RAB3C: variants seen among roughly 807,000 people sequenced by gnomAD.
The protein encoded by RAB3C is RAB3C, member RAS oncogene family.
Under a neutral mutation model 26.4 loss-of-function variants are expected in RAB3C, and 17 were observed. That is an observed-to-expected ratio of 0.64 (90% CI 0.44 to 0.97). The LOEUF (loss-of-function observed/expected upper bound fraction) is 0.97, where lower values mean the gene tolerates loss of function less well. Among genes scored for constraint, RAB3C ranks in the 50% least tolerant of loss-of-function variants. The probability of loss-of-function intolerance (pLI) is 0.00; values close to 1 mark genes in which losing one functional copy is unlikely to be tolerated. For missense variants in RAB3C, 242 were observed against 281.9 expected (o/e 0.86, Z 1.01); for synonymous variants, 91 against 95.9 (o/e 0.95, Z 0.30).
At chr5:58,822,833 C>T (rs1223170974) in intron 3 of RAB3C, 1 of 629,912 alleles carries the variant, frequency 1.6e-6, no homozygotes, top group African/African-American at 1.8e-5. Context: ...GGCCCACGGG[C>T]TTCTCGGTAG....
At chr5:58,734,000 A>G (rs1183682741) in intron 3 of RAB3C, among the ~76,000 whole-genome samples, 1 of 152,130 alleles carries the variant, frequency 6.6e-6, no homozygotes, top group Non-Finnish European at 1.5e-5. Context: ...TTTATGATAC[A>G]ATGAGGAACT....
intron 2 of RAB3C, among the ~76,000 whole-genome samples, chr5:58,722,819 C>T (rs1205826637): frequency 6.6e-6 from 1 of 151,752 alleles, no homozygotes; most frequent in Middle Eastern, 3.2e-3. Context: ...ATACACTTTA[C>T]GACATCTATG....
chr5:58,763,821 A>G (rs987486075), intron 3 of RAB3C, among the ~76,000 whole-genome samples: 18 of 152,226 alleles, frequency 1.2e-4, no homozygotes, highest in Non-Finnish European at 2.5e-4. Context: ...TATGGATATT[A>G]TAACACAGAG....
At chr5:58,829,102 A>G (rs998752806) in intron 4 of RAB3C, among the ~76,000 whole-genome samples, 2 of 151,478 alleles carry the variant, frequency 1.3e-5, no homozygotes, top group African/African-American at 4.9e-5. Context: ...ATGGGCTTTC[A>G]CCGTGTTAGC....
At chr5:58,850,281 A>G (rs1744087098) in intron 4 of RAB3C, among the ~76,000 whole-genome samples, 1 of 152,230 alleles carries the variant, frequency 6.6e-6, no homozygotes, top group South Asian at 2.1e-4. Context: ...AATCTCTGGC[A>G]GCTCATTTGA....
intron 2 of RAB3C, among the ~76,000 whole-genome samples, chr5:58,701,299 C>T (rs1748838058): frequency 6.6e-6 from 1 of 152,130 alleles, no homozygotes; most frequent in Non-Finnish European, 1.5e-5. Flanking sequence ...CTGCGCCCGG[C>T]CTAGTTCATT....
chr5:58,839,345 TTTATTTTATTTATTTA>T (rs1409814745), intron 4 of RAB3C, among the ~76,000 whole-genome samples: 32 of 47,632 alleles, frequency 6.7e-4, no homozygotes, highest in African/African-American at 1.3e-3. Context: ...ATGATAAGTT[TTTATTTTATTTATTTA>T]TTTATTTATT....
At chr5:58,661,408 A>G (rs1290880147) in intron 2 of RAB3C, among the ~76,000 whole-genome samples, 1 of 150,064 alleles carries the variant, frequency 6.7e-6, no homozygotes, top group Non-Finnish European at 1.5e-5. Context: ...AACCCAAAGG[A>G]ATTGTTAATT....
rs548483264 is a variant in RAB3C, at chr5:58,782,383, C to A, written c.372-42655C>A. On this transcript the variant is annotated intron_variant, in intron 3 of 4. Coordinates refer to ENST00000282878, the MANE Select transcript of RAB3C (RefSeq NM_138453.4). ...TTCCTCTAAGAGCCTTAAACCAAATCTTTTCTCTTAGGTTGTCCTCCAGAA... is the reference window on the plus strand; with the variant it reads ...TTCCTCTAAGAGCCTTAAACCAAATATTTTCTCTTAGGTTGTCCTCCAGAA... Among the ~76,000 whole-genome samples, 3 of 152,254 alleles carry A rather than the reference C, an allele frequency of 2.0e-5. No homozygotes were observed. The South Asian group carries it at 6.2e-4, about 32-fold the overall frequency.
rs1348791057 is a variant in RAB3C, at chr5:58,667,162, GA to G, written c.252+49293del. Among the ~76,000 whole-genome samples, 305 of 152,256 alleles carry G rather than the reference GA, an allele frequency of 2.0e-3. 1 individual carries two copies. The highest frequency in any genetic ancestry group is 6.9e-3 in the African/African-American group (285 of 41,554). On this transcript the variant is annotated intron_variant, in intron 2 of 4. Transcript: ENST00000282878. The stretch of plus-strand genomic sequence containing the variant: ...ATGAGAATTGGTTTTACGCACTGAT[GA>G]CACTAACAATGGGGGTAGGCCTTAC...
chr5:58,720,875 G>A (rs891659734), intron 2 of RAB3C, among the ~76,000 whole-genome samples: 9 of 151,654 alleles, frequency 5.9e-5, no homozygotes, highest in Non-Finnish European at 8.8e-5. Flanking sequence ...TGAATACAAG[G>A]AGAAGTAACC....
At chr5:58,766,113 G>A (rs1741897667) in intron 3 of RAB3C, among the ~76,000 whole-genome samples, 2 of 148,378 alleles carry the variant, frequency 1.3e-5, no homozygotes, top group East Asian at 2.0e-4. Flanking sequence ...CCAGTTTCAG[G>A]TAATTCTTTT....
chr5:58,858,620 T>A lies in RAB3C; in HGVS notation c.*7269T>A, dbSNP rs1744316233. The A allele has an allele frequency of 6.6e-6, 1 of 152,214 alleles. No homozygotes were observed. Among genetic ancestry groups the A allele is most frequent in the South Asian group, 2.1e-4 (1 of 4,812 alleles). The allele number at this position is 152,214 out of a possible 1,614,324, so 9.4% of individuals were successfully genotyped here. Reference sequence around the variant, plus strand: ...CATAATTCCGGAAAGAATTAGGTAGTGAGGAGATTGTGCCAGGAAAATAAG... The same window carrying A: ...CATAATTCCGGAAAGAATTAGGTAGAGAGGAGATTGTGCCAGGAAAATAAG... On this transcript the variant is annotated 3_prime_UTR_variant, in exon 5 of 5. Coordinates refer to ENST00000282878, the MANE Select transcript of RAB3C (RefSeq NM_138453.4).
intron 2 of RAB3C, among the ~76,000 whole-genome samples, chr5:58,690,456 T>A (rs1294624109): frequency 6.6e-6 from 1 of 152,186 alleles, no homozygotes; most frequent in Non-Finnish European, 1.5e-5. Flanking sequence ...ATGGCTTCTG[T>A]ACTCACATGT....
chr5:58,731,490 C>T (rs1314577713), intron 3 of RAB3C, among the ~76,000 whole-genome samples: 1 of 152,034 alleles, frequency 6.6e-6, no homozygotes, highest in Non-Finnish European at 1.5e-5. Context: ...AGCTGTCATT[C>T]CTTTGAAACA....
At chr5:58,769,873 A>G (rs1741995386) in intron 3 of RAB3C, among the ~76,000 whole-genome samples, 1 of 152,192 alleles carries the variant, frequency 6.6e-6, no homozygotes, top group Non-Finnish European at 1.5e-5. Context: ...GTGTTACTGA[A>G]AAACAGTAAC....
chr5:58,841,349 CAT>C (rs1743871125), intron 4 of RAB3C, among the ~76,000 whole-genome samples: 1 of 152,184 alleles, frequency 6.6e-6, no homozygotes, highest in Non-Finnish European at 1.5e-5. Flanking sequence ...GGACCAGAGT[CAT>C]AGCTGATTCT....
At chr5:58,770,342 A>T (rs568874400) in intron 3 of RAB3C, among the ~76,000 whole-genome samples, 1 of 152,270 alleles carries the variant, frequency 6.6e-6, no homozygotes, top group East Asian at 1.9e-4. Context: ...TTCATTCTGG[A>T]CGACTGACAA....
chr5:58,683,006 A>G (rs1413357461), intron 2 of RAB3C, among the ~76,000 whole-genome samples: 2 of 152,160 alleles, frequency 1.3e-5, no homozygotes, highest in Non-Finnish European at 2.9e-5. Context: ...CCTGAAGTGT[A>G]TATTTTTTCT....
Sources: gnomAD v4.1 joint callset for allele counts (sites outside exome capture counted in the v4.1 genomes callset) on GRCh38, gnomAD v4.1.1 for gene constraint, MANE v1.5 for transcripts, NCBI Gene and HGNC (gene_info 2026-07-23, HGNC 2026-07-21) for gene names.